The following DTX1 variants were observed in gnomAD, a reference collection of about 807,000 sequenced individuals.
DTX1 encodes the protein E3 ubiquitin-protein ligase DTX1.
DTX1 carries 26 observed loss-of-function variants against 57.8 expected under a neutral mutation model. The ratio of observed to expected loss-of-function variants is 0.45; its 90% CI spans 0.33 to 0.62. The LOEUF is 0.62. Ranked by LOEUF, DTX1 falls within the 20% of genes least tolerant of loss-of-function variation. The pLI is 0.02. For missense variants in DTX1, 704 were observed against 895.3 expected (o/e 0.79, Z 2.73); for synonymous variants, 398 against 394.1 (o/e 1.01, Z -0.12).
intron 2 of DTX1, among the ~76,000 whole-genome samples, chr12:113,063,501 C>T (rs2044680277): frequency 6.6e-6 from 1 of 152,250 alleles, no homozygotes; most frequent in Admixed American, 6.5e-5. Flanking sequence ...ACCTATCTGC[C>T]TGGTATCTCC....
At chr12:113,088,701 G>T (rs1339120946) in intron 3 of DTX1, among the ~76,000 whole-genome samples, 1 of 152,214 alleles carries the variant, frequency 6.6e-6, no homozygotes, top group Non-Finnish European at 1.5e-5. Context: ...TAAAAATAAA[G>T]TGGTTGCGGC....
Position 113,077,628 on chromosome 12 carries a change from G to A in DTX1, c.464G>A (p.Ser155Asn), listed in dbSNP as rs775322257. 1.2e-6 allele frequency: 2 copies of A among 1,611,612 alleles called. No individual in the cohort carries two copies. The highest frequency in any genetic ancestry group is 8.5e-7 in the Non-Finnish European group (1 of 1,179,492). ...LGFCYLIYFN[S>N]MSQMNRQTRR... is the part of the protein sequence containing the mutation. ...TTCTGCTACCTCATCTACTTCAACA[G>A]CATGTCGCAGATGAACCGCCAGACG... The change falls in exon 3 of 10, where the codon AGC becomes AAC. Residue 155 changes from serine to asparagine, a missense_variant. By Grantham distance (46) the Ser-to-Asn change is conservative. Around this residue, in one of 3 missense-constraint regions of DTX1, gnomAD observed 237 missense variants for 328.6 expected, o/e 0.72. Coordinates refer to ENST00000548759, the MANE Select transcript of DTX1 (RefSeq NM_004416.3). This position sits in a 1 kb window ranked among gnomAD's most constrained non-coding sequence, Gnocchi z 7.8.
Position 113,077,326 on chromosome 12 carries a change from C to CCAAA in DTX1, c.260-95_260-94insACAA. On this transcript the variant is annotated intron_variant, in intron 2 of 9. Coordinates refer to ENST00000548759, the MANE Select transcript of DTX1 (RefSeq NM_004416.3). This position sits in a 1 kb window ranked among gnomAD's most constrained non-coding sequence, Gnocchi z 7.8. ...CCCCCTGGAGGCCTGTGCTGACCCC[C>CCAAA]CAACCTCCCGCCCACCCTTGCCTGG... 1 of 1,392,396 alleles carries CCAAA rather than the reference C, an allele frequency of 7.2e-7. No homozygotes were observed. The highest frequency in any genetic ancestry group is 9.5e-7 in the Non-Finnish European group (1 of 1,048,002). 86.3% of individuals were successfully genotyped at this position (1,392,396 alleles called of 1,614,324 possible).
chr12:113,095,348 G>A lies in DTX1; in HGVS notation c.1572G>A (p.Gly524=). ...AGGGCCCTGAGCACCCCAACCCCGG[G>A]AAGAAGTTCACCGCAAGAGGATTCC... The part of the protein sequence containing the change: ...GIQGPEHPNP[G]KKFTARGFPR... The change falls in exon 9 of 10, where the codon GGG becomes GGA. Residue 524 remains glycine (G), a synonymous_variant. Coordinates refer to ENST00000548759, the MANE Select transcript of DTX1 (RefSeq NM_004416.3). 1 of 1,614,174 alleles carries A rather than the reference G, an allele frequency of 6.2e-7. No individual in the cohort carries two copies. Among genetic ancestry groups the A allele is most frequent in the Non-Finnish European group, 8.5e-7 (1 of 1,180,032 alleles).
intron 2 of DTX1, among the ~76,000 whole-genome samples, chr12:113,076,463 A>G (rs2044772905): frequency 6.6e-6 from 1 of 150,652 alleles, no homozygotes; most frequent in Admixed American, 6.6e-5. Context: ...GCCTGGAAAA[A>G]AAAAAAAAAA....
intron 2 of DTX1, among the ~76,000 whole-genome samples, chr12:113,075,880 G>A (rs1349740199): frequency 2.0e-5 from 3 of 151,954 alleles, no homozygotes; most frequent in Admixed American, 6.6e-5. Flanking sequence ...AATATCGCTC[G>A]AGCACCTGCT....
At chr12:113,078,511 T>C (rs1156804070) in intron 3 of DTX1, among the ~76,000 whole-genome samples, 2 of 152,234 alleles carry the variant, frequency 1.3e-5, no homozygotes, top group African/African-American at 4.8e-5. Flanking sequence ...GTGCATATTA[T>C]AGATGGGGAA....
intron 3 of DTX1, among the ~76,000 whole-genome samples, chr12:113,091,245 CTGTA>C (rs1211595705): frequency 6.6e-6 from 1 of 152,000 alleles, no homozygotes; most frequent in African/African-American, 2.4e-5. Flanking sequence ...GCACAAGTCT[CTGTA>C]TGTAGGTGTG....
At chr12:113,061,677 G>C (rs555687416) in intron 2 of DTX1, among the ~76,000 whole-genome samples, 17 of 150,928 alleles carry the variant, frequency 1.1e-4, no homozygotes, top group African/African-American at 4.2e-4. Flanking sequence ...GTACAAGAGA[G>C]ACAAGCAAAA....
At position 113,097,105 on chromosome 12, in the gene DTX1, G is replaced by T; in HGVS notation, c.*166G>T. 1.4e-6 allele frequency: 1 copy of T among 722,750 alleles called. No homozygotes were observed. 44.8% of individuals were successfully genotyped at this position (722,750 alleles called of 1,614,324 possible). ...GGTGGCAGCTGGGATGAAGAGAGAT[G>T]GCATGTCAGGCTGGCCCCGAATCAT... On this transcript the variant is annotated 3_prime_UTR_variant, in exon 10 of 10. Coordinates refer to ENST00000548759, the MANE Select transcript of DTX1 (RefSeq NM_004416.3).
At chr12:113,076,766 T>G (rs2044774809) in intron 2 of DTX1, among the ~76,000 whole-genome samples, 1 of 152,222 alleles carries the variant, frequency 6.6e-6, no homozygotes, top group Non-Finnish European at 1.5e-5. Flanking sequence ...GTTGAATGAC[T>G]AAATGAAATA....
chr12:113,095,638 A>C, intron 9 of DTX1: 1 of 562,002 alleles, frequency 1.8e-6, no homozygotes, highest in Non-Finnish European at 3.1e-6. Flanking sequence ...ACAAAGACAC[A>C]AGGCTTCAGA....
Position 113,093,297 on chromosome 12 carries a change from C to G in DTX1, c.1003+74C>G. 6.7e-7 allele frequency: 1 copy of G among 1,501,160 alleles called. No individual in the cohort carries two copies. The highest frequency in any genetic ancestry group is 9.0e-7 in the Non-Finnish European group (1 of 1,108,384). The allele number at this position is 1,501,160 out of a possible 1,614,324, so 93.0% of individuals were successfully genotyped here. ...CAGCTCCGCCTGTCACCCGGTGACC[C>G]CGCCCCCGAGATGGGCTGGTGAGCG... On this transcript the variant is annotated intron_variant, in intron 4 of 9. Transcript: ENST00000548759. The surrounding 1 kb of genome is among the most constrained non-coding windows in gnomAD (Gnocchi z 4.2).
At chr12:113,061,338 C>A in intron 2 of DTX1, among the ~76,000 whole-genome samples, 1 of 152,366 alleles carries the variant, frequency 6.6e-6, no homozygotes, top group East Asian at 1.9e-4. Context: ...GCCTGGGAAC[C>A]TGCTGGAGAG....
intron 2 of DTX1, among the ~76,000 whole-genome samples, chr12:113,062,032 T>TACAC (rs35422556): frequency 0.071 from 10,118 of 142,416 alleles, 408 homozygotes; most frequent in Middle Eastern, 0.15. Flanking sequence ...TTATATTTCA[T>TACAC]ACACACACAC....
intron 2 of DTX1, among the ~76,000 whole-genome samples, chr12:113,070,504 C>G (rs73205279): frequency 1.3e-5 from 2 of 152,082 alleles, no homozygotes; most frequent in Non-Finnish European, 2.9e-5. Flanking sequence ...AGAGAGGAAC[C>G]GTTTAGAGGC....
rs776328674 is a variant in DTX1, at chr12:113,058,316, G to A, written c.124G>A (p.Ala42Thr). The change falls in exon 2 of 10, where the codon GCC becomes ACC. Residue 42 changes from alanine (A) to threonine (T), a missense_variant. Physicochemically the swap from Ala to Thr is moderately conservative, Grantham distance 58. Coordinates refer to ENST00000548759, the MANE Select transcript of DTX1 (RefSeq NM_004416.3). ...NEHSRWRPYT[A>T]TVCHHIENVL... ...GCACAGCCGCTGGCGGCCCTACACGGCCACCGTGTGCCACCACATTGAGAA... is the reference window on the plus strand; with the variant it reads ...GCACAGCCGCTGGCGGCCCTACACGACCACCGTGTGCCACCACATTGAGAA... The A allele has an allele frequency of 6.2e-7, 1 of 1,613,596 alleles. No individual in the cohort carries two copies. The highest frequency in any genetic ancestry group is 1.1e-5 in the South Asian group (1 of 91,076).
At chr12:113,067,039 G>A (rs1187475834) in intron 2 of DTX1, among the ~76,000 whole-genome samples, 2 of 152,032 alleles carry the variant, frequency 1.3e-5, no homozygotes, top group Non-Finnish European at 2.9e-5. Flanking sequence ...GACAGCAGTG[G>A]CAGGCCGGTG....
Position 113,093,113 on chromosome 12 carries a change from C to T in DTX1, c.942-49C>T, listed in dbSNP as rs1319321316. ...GAAGGCAAGCCAGGTCCCCTGACGT[C>T]GCTTCGGGGGCTGGAGTCCAGCTGC... On this transcript the variant is annotated intron_variant, in intron 3 of 9. Coordinates refer to ENST00000548759, the MANE Select transcript of DTX1 (RefSeq NM_004416.3). This position sits in a 1 kb window ranked among gnomAD's most constrained non-coding sequence, Gnocchi z 4.2. 5.2e-6 allele frequency: 8 copies of T among 1,551,532 alleles called. No homozygotes were observed. In the South Asian group the frequency reaches 5.9e-5, roughly 12 times the overall value.
Sources: gnomAD v4.1 joint callset for allele counts (sites outside exome capture counted in the v4.1 genomes callset) on GRCh38, gnomAD v4.1.1 for gene constraint, gnomAD v4.1.1 regional missense constraint, Gnocchi (gnomAD v3.1) non-coding constraint, MANE v1.5 for transcripts, NCBI Gene and HGNC (gene_info 2026-07-23, HGNC 2026-07-21) for gene names.